DNAH3: variants seen among roughly 807,000 people sequenced by gnomAD.
DNAH3 encodes the protein axonemal beta dynein heavy chain 3.
A neutral mutation model predicts 432.5 loss-of-function variants in DNAH3; 332 were observed. That is an observed-to-expected ratio of 0.77 (90% CI 0.70 to 0.84). The LOEUF (loss-of-function observed/expected upper bound fraction) is 0.84, where lower values mean the gene tolerates loss of function less well. DNAH3 is among the 40% of genes least tolerant of loss of function. DNAH3 has a pLI of 0.00. For synonymous variants in DNAH3, 1,956 were observed against 1,900.2 expected, an observed-to-expected ratio of 1.03 and a Z score of -0.76; for missense variants, 4,861 against 5,114.0, an observed-to-expected ratio of 0.95 and a Z score of 1.51.
chr16:21,147,641 T>C (rs1359612811), intron 1 of DNAH3, among the ~76,000 whole-genome samples: 1 of 152,196 alleles, frequency 6.6e-6, no homozygotes, highest in African/African-American at 2.4e-5. Flanking sequence ...AGAAAAAGTG[T>C]TATTTCAACA....
intron 19 of DNAH3, among the ~76,000 whole-genome samples, chr16:21,084,918 C>T (rs1460685637): frequency 6.6e-6 from 1 of 152,278 alleles, no homozygotes; most frequent in Non-Finnish European, 1.5e-5. Flanking sequence ...CATAGAGAAA[C>T]CTGGCACTAC....
chr16:21,067,877 G>T (rs2090628863), intron 23 of DNAH3, among the ~76,000 whole-genome samples: 1 of 151,758 alleles, frequency 6.6e-6, no homozygotes, highest in African/African-American at 2.4e-5. Flanking sequence ...AGAGGCTTCT[G>T]GGTTCTAGAT....
chr16:21,134,233 GA>G (rs745689810), intron 7 of DNAH3, 25 bp downstream of exon 8: 133 of 1,564,624 alleles, frequency 8.5e-5, no homozygotes, highest in Middle Eastern at 3.7e-4. Context: ...GAAAGGGAAT[GA>G]AAAAAAAAGG....
At chr16:21,026,924 C>G (rs2088593416) in intron 38 of DNAH3, 103 bp downstream of exon 38, 2 of 753,994 alleles carry the variant, frequency 2.7e-6, no homozygotes, top group African/African-American at 3.5e-5. Flanking sequence ...TGTAGATGAT[C>G]TGCGAGGGCT....
intron 12 of DNAH3, among the ~76,000 whole-genome samples, chr16:21,116,529 T>G (rs2152808007): frequency 6.6e-6 from 1 of 152,298 alleles, no homozygotes; most frequent in African/African-American, 2.4e-5. Context: ...ACCCCAGACC[T>G]GCAGAATTGT....
chr16:21,114,005 T>G (rs2092131358), intron 12 of DNAH3, among the ~76,000 whole-genome samples: 2 of 152,216 alleles, frequency 1.3e-5, no homozygotes, highest in African/African-American at 4.8e-5. Context: ...TATATGTATT[T>G]ATGATAAAGT....
intron 35 of DNAH3, among the ~76,000 whole-genome samples, chr16:21,035,097 T>C (rs1399412266): frequency 6.6e-6 from 1 of 151,900 alleles, no homozygotes; most frequent in Non-Finnish European, 1.5e-5. Context: ...GAGGTCAAGG[T>C]GGGGGGATCA....
intron 1 of DNAH3, among the ~76,000 whole-genome samples, chr16:21,153,671 G>A (rs1259271440): frequency 2.6e-5 from 4 of 152,088 alleles, no homozygotes; most frequent in Non-Finnish European, 5.9e-5. Flanking sequence ...GCGCCAGCGA[G>A]ACCAGAAACC....
intron 9 of DNAH3, among the ~76,000 whole-genome samples, chr16:21,124,963 TTG>T (rs145787563): frequency 6.6e-6 from 1 of 151,562 alleles, no homozygotes; most frequent in African/African-American, 2.4e-5. Flanking sequence ...CATTTACCAT[TTG>T]TGTGTGTGTG....
chr16:21,154,572 C>T (rs2092886557), intron 1 of DNAH3, among the ~76,000 whole-genome samples: 1 of 152,134 alleles, frequency 6.6e-6, no homozygotes, highest in Non-Finnish European at 1.5e-5. Context: ...ATATACTATG[C>T]CCTGGGACTG....
At chr16:21,123,894 G>A (rs957763156) in intron 9 of DNAH3, among the ~76,000 whole-genome samples, 1 of 152,026 alleles carries the variant, frequency 6.6e-6, no homozygotes, top group Non-Finnish European at 1.5e-5. Context: ...CTGGGTTCAA[G>A]TGATTCTCCT....
intron 44 of DNAH3, among the ~76,000 whole-genome samples, chr16:20,989,519 C>A (rs1407192622): frequency 6.6e-6 from 1 of 152,240 alleles, no homozygotes; most frequent in Admixed American, 6.5e-5. Flanking sequence ...GTTTACAATC[C>A]CTGAGCTAGA....
chr16:21,100,762 C>T (rs1386616734), intron 16 of DNAH3, among the ~76,000 whole-genome samples: 1 of 152,162 alleles, frequency 6.6e-6, no homozygotes, highest in African/African-American at 2.4e-5. Flanking sequence ...TATTATTCTT[C>T]TGTTGTACAT....
exon 41 of DNAH3, chr16:21,019,697 G>C: frequency 6.2e-7 from 1 of 1,614,152 alleles, no homozygotes; most frequent in African/African-American, 1.3e-5. Flanking sequence ...CCATGCCCAT[G>C]ATCAGGTTGC....
At chr16:21,135,339 A>G (rs1226427890) in intron 6 of DNAH3, among the ~76,000 whole-genome samples, 1 of 152,192 alleles carries the variant, frequency 6.6e-6, no homozygotes, top group Non-Finnish European at 1.5e-5. Flanking sequence ...TGTTTTCCAT[A>G]CTAAGAAAGG....
exon 10 of DNAH3, chr16:21,122,045 C>T: frequency 1.2e-6 from 2 of 1,613,760 alleles, no homozygotes; most frequent in Non-Finnish European, 1.7e-6. Context: ...AATGGGTTCA[C>T]TGACTTCAAG....
chr16:21,147,980 T>G (rs1597492882), intron 1 of DNAH3, among the ~76,000 whole-genome samples: 1 of 152,342 alleles, frequency 6.6e-6, no homozygotes, highest in Middle Eastern at 3.4e-3. Context: ...TGAGGGATTT[T>G]CAAGGGCAAT....
chr16:21,080,627 C>T (rs935662692), intron 20 of DNAH3, among the ~76,000 whole-genome samples: 1 of 152,136 alleles, frequency 6.6e-6, no homozygotes, highest in Admixed American at 6.5e-5. Flanking sequence ...GACTGCAGGG[C>T]CCATCTGCAG....
intron 18 of DNAH3, among the ~76,000 whole-genome samples, chr16:21,094,471 G>T (rs1385315657): frequency 6.6e-6 from 1 of 152,110 alleles, no homozygotes; most frequent in Non-Finnish European, 1.5e-5. Flanking sequence ...AGGAGTTTGA[G>T]ATCAGCCTGG....
Sources: gnomAD v4.1 joint callset for allele counts (sites outside exome capture counted in the v4.1 genomes callset) on GRCh38, gnomAD v4.1.1 for gene constraint, MANE v1.5 for transcripts, NCBI Gene and HGNC (gene_info 2026-07-23, HGNC 2026-07-21) for gene names.